AXDND1: variants seen among roughly 807,000 people sequenced by gnomAD.
AXDND1 encodes axonemal dynein light chain domain containing 1.
AXDND1 carries 110 observed loss-of-function variants against 137.5 expected under a neutral mutation model. The ratio of observed to expected loss-of-function variants is 0.80; its 90% CI spans 0.69 to 0.94. The LOEUF (loss-of-function observed/expected upper bound fraction) is 0.94, where lower values mean the gene tolerates loss of function less well. Among genes scored for constraint, AXDND1 ranks in the 40% least tolerant of loss-of-function variants. AXDND1 has a pLI of 0.00. For synonymous variants in AXDND1, 414 were observed against 399.7 expected, an observed-to-expected ratio of 1.04 and a Z score of -0.43; for missense variants, 1,191 against 1,169.8, an observed-to-expected ratio of 1.02 and a Z score of -0.26.
intron 17 of AXDND1, among the ~76,000 whole-genome samples, chr1:179,469,382 A>G (rs908706214): frequency 6.6e-6 from 1 of 152,250 alleles, no homozygotes; most frequent in Non-Finnish European, 1.5e-5. Flanking sequence ...ACTTATGGAT[A>G]TACCACATTT....
chr1:179,386,663 A>T (rs1025879395), intron 9 of AXDND1, among the ~76,000 whole-genome samples: 1 of 152,002 alleles, frequency 6.6e-6, no homozygotes, highest in African/African-American at 2.4e-5. Context: ...TATACCTTCA[A>T]GTTCATTAAT....
At chr1:179,373,220 T>C (rs1447312824) in intron 4 of AXDND1, among the ~76,000 whole-genome samples, 4 of 152,138 alleles carry the variant, frequency 2.6e-5, no homozygotes, top group Non-Finnish European at 1.5e-5. Flanking sequence ...TGAACTCCCA[T>C]TCACAATTGT....
At chr1:179,429,669 A>G (rs1657095753) in intron 13 of AXDND1, 50 bp downstream of exon 13, 1 of 1,161,246 alleles carries the variant, frequency 8.6e-7, no homozygotes, top group African/African-American at 1.6e-5. Flanking sequence ...CCAAGTGGTG[A>G]GGGTTGAGAC....
chr1:179,459,689 TTC>T (rs1350083713), intron 16 of AXDND1, among the ~76,000 whole-genome samples: 1 of 140,788 alleles, frequency 7.1e-6, no homozygotes, highest in Non-Finnish European at 1.5e-5. Flanking sequence ...TTCTTTTCTT[TTC>T]TTTCTTTCTT....
chr1:179,535,735 AC>A (rs199702879), intron 25 of AXDND1, among the ~76,000 whole-genome samples: 4,724 of 152,284 alleles, frequency 0.031, 271 homozygotes, highest in African/African-American at 0.11. Context: ...TTGGGTATAT[AC>A]CCAGTAATGG....
intron 24 of AXDND1, 147 bp downstream of exon 24, chr1:179,534,024 G>C: frequency 1.6e-6 from 1 of 634,018 alleles, no homozygotes; most frequent in South Asian, 1.8e-5. Flanking sequence ...TGTTCTGCTA[G>C]AGGCAGTAAA....
chr1:179,485,860 G>T (rs1249896782), intron 18 of AXDND1, among the ~76,000 whole-genome samples: 1 of 152,118 alleles, frequency 6.6e-6, no homozygotes, highest in African/African-American at 2.4e-5. Flanking sequence ...GCTTATGCCT[G>T]TAATCCCAGC....
rs1571912442 is a variant in AXDND1, at chr1:179,456,733, CAA to C, written c.1798+11531_1798+11532del. ...CTGAAACCACCTCCATGACCACCAC[CAA>C]AGTTTCCAGAACTACTTTGACCTCT... On this transcript the variant is annotated intron_variant, in intron 16 of 25. Transcript: ENST00000367618. The C allele has an allele frequency of 7.7e-6, 6 of 783,862 alleles. No homozygotes were observed. The East Asian group carries it at 1.5e-4, about 19-fold the overall frequency. 48.6% of individuals were successfully genotyped at this position (783,862 alleles called of 1,614,324 possible). A position where few individuals can be genotyped will look rare whatever the true frequency, so the allele number is the denominator to read the frequency against.
intron 11 of AXDND1, among the ~76,000 whole-genome samples, chr1:179,408,968 CTTTTTTTTT>C (rs74384865): frequency 1.6e-5 from 2 of 126,400 alleles, no homozygotes; most frequent in African/African-American, 3.1e-5. Context: ...TTTTTTCTTT[CTTTTTTTTT>C]TTTTTTTTTT....
intron 4 of AXDND1, 101 bp from the exon 5 acceptor site, chr1:179,378,536 A>G: frequency 2.3e-6 from 2 of 887,402 alleles, no homozygotes; most frequent in Non-Finnish European, 3.2e-6. Context: ...GACACAGAGG[A>G]CCATCTTACC....
chr1:179,391,111 CTT>C (rs11284261), intron 9 of AXDND1, among the ~76,000 whole-genome samples: 106 of 127,840 alleles, frequency 8.3e-4, no homozygotes, highest in Middle Eastern at 3.9e-3. Flanking sequence ...CAGACTTCTT[CTT>C]TTTTTTTTTT....
chr1:179,503,326 T>G (rs575301888), intron 20 of AXDND1, among the ~76,000 whole-genome samples: 14 of 152,072 alleles, frequency 9.2e-5, no homozygotes, highest in Non-Finnish European at 1.9e-4. Context: ...TAAAACTGTT[T>G]AAAAACTTTT....
intron 20 of AXDND1, among the ~76,000 whole-genome samples, chr1:179,496,940 A>G (rs952955520): frequency 9.2e-5 from 14 of 152,050 alleles, no homozygotes; most frequent in Non-Finnish European, 5.9e-5. Context: ...TCCATTTTGC[A>G]TTCTTCGTTC....
intron 16 of AXDND1, among the ~76,000 whole-genome samples, chr1:179,465,727 C>G (rs528746241): frequency 6.6e-6 from 1 of 152,260 alleles, no homozygotes; most frequent in Non-Finnish European, 1.5e-5. Context: ...GAGATGGAGT[C>G]TGCAGAGGCA....
rs533666139 is a variant in AXDND1 at position 179,377,725 on chromosome 1, A to T, written c.375-912A>T. 3.3e-5 allele frequency among the ~76,000 whole-genome samples: 5 copies of T among 152,320 alleles called. No individual in the cohort carries two copies. In the South Asian group the frequency reaches 8.3e-4, roughly 25 times the overall value. On this transcript the variant is annotated intron_variant, in intron 4 of 25. Transcript: ENST00000367618. Reference sequence around the variant, plus strand: ...AAGATAACTGCTAAGAGATTGTTTAACTTGGCAGTGGTAATCACCATCAGC... The same window carrying T: ...AAGATAACTGCTAAGAGATTGTTTATCTTGGCAGTGGTAATCACCATCAGC...
At chr1:179,539,509 A>G (rs1671906038) in intron 25 of AXDND1, among the ~76,000 whole-genome samples, 1 of 152,176 alleles carries the variant, frequency 6.6e-6, no homozygotes, top group South Asian at 2.1e-4. Context: ...AGAATGTTGA[A>G]TATTGGCCTC....
At chr1:179,430,665 T>C in intron 14 of AXDND1, 59 bp downstream of exon 14, 2 of 1,523,692 alleles carry the variant, frequency 1.3e-6, no homozygotes, top group Non-Finnish European at 1.8e-6. Flanking sequence ...CTCAGTCAAA[T>C]TCTCTGTGTT....
chr1:179,502,863 A>G (rs1309480484), intron 20 of AXDND1, among the ~76,000 whole-genome samples: 1 of 152,030 alleles, frequency 6.6e-6, no homozygotes, highest in Non-Finnish European at 1.5e-5. Flanking sequence ...TGGGAGGCTG[A>G]GACGGGTGGA....
intron 12 of AXDND1, among the ~76,000 whole-genome samples, chr1:179,413,556 T>C (rs1236397790): frequency 3.9e-5 from 6 of 152,254 alleles, no homozygotes; most frequent in Admixed American, 3.9e-4. Flanking sequence ...GCTTCATCCA[T>C]GTTGCTTCAA....
Sources: allele counts gnomAD v4.1 joint callset (sites outside exome capture counted in the v4.1 genomes callset), GRCh38; gene constraint gnomAD v4.1.1; transcripts MANE v1.5; gene names NCBI Gene and HGNC (gene_info 2026-07-23, HGNC 2026-07-21).